ZSCAN2: variants seen among roughly 807,000 people sequenced by gnomAD.
ZSCAN2 encodes zinc finger and SCAN domain containing 2.
A neutral mutation model predicts 47.8 loss-of-function variants in ZSCAN2; 26 were observed. The observed-to-expected ratio is 0.54, with a 90% CI of 0.40 to 0.75. The LOEUF (loss-of-function observed/expected upper bound fraction) is 0.75, where lower values mean the gene tolerates loss of function less well. Among genes scored for constraint, ZSCAN2 ranks in the 30% least tolerant of loss-of-function variants. ZSCAN2 has a pLI of 0.00. For missense variants in ZSCAN2, 732 were observed against 785.4 expected (o/e 0.93, Z 0.81); for synonymous variants, 305 against 288.7 (o/e 1.06, Z -0.57).
At chr15:84,612,192 GTCAGTCAGA>G (rs1442097737) in intron 2 of ZSCAN2, 1 of 152,216 alleles carries the variant, frequency 6.6e-6, no homozygotes, top group Non-Finnish European at 1.5e-5. Flanking sequence ...GGAGGCCCTT[GTCAGTCAGA>G]TCACCTGAAG....
Position 84,619,346 on chromosome 15 carries a change from C to T in ZSCAN2, c.407-1256C>T, listed in dbSNP as rs183775628. Among the ~76,000 whole-genome samples, 571 of 151,600 alleles carry T rather than the reference C, an allele frequency of 3.8e-3. 4 individuals are homozygous for T. The highest frequency in any genetic ancestry group is 0.013 in the African/African-American group (539 of 41,322). ...TCGGGAGGCTGAGGCAAGAGAATGG[C>T]GTGAACTGGGGAGGCGGAGCTTGCA... is the stretch of plus-strand genomic sequence containing the variant. On this transcript the variant is annotated intron_variant, in intron 2 of 2. Transcript: ENST00000546148.
chr15:84,604,020 C>T lies in ZSCAN2; in HGVS notation c.93C>T (p.Thr31=). 1 of 1,614,054 alleles carries T rather than the reference C, an allele frequency of 6.2e-7. No individual in the cohort carries two copies. The highest frequency in any genetic ancestry group is 8.5e-7 in the Non-Finnish European group (1 of 1,180,000). ...AAGATAGACAGGAGGAGGAGGTCAC[C>T]ACCATGATCCTGGAGGATGACTCCT... ...QEEDRQEEEV[T]TMILEDDSWV... Residue 31 remains threonine, a synonymous_variant, in exon 2 of 3, where the codon ACC becomes ACT. Coordinates refer to ENST00000546148, the MANE Select transcript of ZSCAN2 (RefSeq NM_181877.4).
Position 84,623,506 on chromosome 15 carries a change from A to C in ZSCAN2, c.*1466A>C, listed in dbSNP as rs1184665718. The C allele has an allele frequency of 6.0e-6, 1 of 167,582 alleles. No homozygotes were observed. Among genetic ancestry groups the C allele is most frequent in the East Asian group, 1.9e-4 (1 of 5,192 alleles). The allele number at this position is 167,582 out of a possible 1,614,324, so 10.4% of individuals were successfully genotyped here. A position where few individuals can be genotyped will look rare whatever the true frequency, so the allele number is the denominator to read the frequency against. The stretch of plus-strand genomic sequence containing the variant: ...GTGTCGCCCTTGATCTCAGGATGCT[A>C]CCAGGGCTTTGTTCTCGGGATCCTC... On this transcript the variant is annotated 3_prime_UTR_variant, in exon 3 of 3. Coordinates refer to ENST00000546148, the MANE Select transcript of ZSCAN2 (RefSeq NM_181877.4).
chr15:84,621,900 T>C lies in ZSCAN2; in HGVS notation c.1705T>C (p.Trp569Arg). ...CCCTGAGTGTGGGAAAGGCTTTAGC[T>C]GGAACTCAGTCCTCATTATACATCA... ...RCPECGKGFSWNSVLIIHQRI... is the reference protein window; with the variant it reads ...RCPECGKGFSRNSVLIIHQRI... Residue 569 changes from tryptophan (W) to arginine (R), a missense_variant, in exon 3 of 3, where the codon TGG becomes CGG. Around this residue, in one of 2 missense-constraint regions of ZSCAN2, gnomAD observed 412 missense variants for 498.0 expected, o/e 0.83. Coordinates refer to ENST00000546148, the MANE Select transcript of ZSCAN2 (RefSeq NM_181877.4). This position sits in a 1 kb window ranked among gnomAD's most constrained non-coding sequence, Gnocchi z 5.7. 6.2e-7 allele frequency: 1 copy of C among 1,614,030 alleles called. No homozygotes were observed. Among genetic ancestry groups the C allele is most frequent in the Non-Finnish European group, 8.5e-7 (1 of 1,179,978 alleles).
intron 2 of ZSCAN2, among the ~76,000 whole-genome samples, chr15:84,612,705 G>A (rs925455149): frequency 2.0e-5 from 3 of 151,996 alleles, no homozygotes; most frequent in Non-Finnish European, 2.9e-5. Flanking sequence ...ACTGTACTCC[G>A]GCCTGGAAGA....
At chr15:84,618,020 C>T (rs1462222766) in intron 2 of ZSCAN2, among the ~76,000 whole-genome samples, 1 of 152,196 alleles carries the variant, frequency 6.6e-6, no homozygotes, top group African/African-American at 2.4e-5. Context: ...CTGAGAGGGG[C>T]ATGTCCAATT....
intron 2 of ZSCAN2, chr15:84,611,793 G>A (rs1428439100): frequency 6.6e-6 from 1 of 152,122 alleles, no homozygotes; most frequent in Non-Finnish European, 1.5e-5. Flanking sequence ...GGATGTCTGG[G>A]CCATCCAGCC....
intron 2 of ZSCAN2, among the ~76,000 whole-genome samples, chr15:84,616,888 G>A (rs925946039): frequency 2.6e-5 from 4 of 151,576 alleles, no homozygotes; most frequent in Non-Finnish European, 5.9e-5. Context: ...TCTAGGAGGC[G>A]GAAGTGGGCA....
intron 2 of ZSCAN2, among the ~76,000 whole-genome samples, chr15:84,608,817 AG>A (rs993149387): frequency 1.3e-5 from 2 of 152,022 alleles, no homozygotes; most frequent in African/African-American, 4.8e-5. Flanking sequence ...TTTGTTCTTC[AG>A]GGGGTGGTCA....
chr15:84,623,509 AGGGCTTTGTTCTCGGGATCCTC>A lies in ZSCAN2; in HGVS notation c.*1471_*1492del, dbSNP rs1895858489. 1 of 167,546 alleles carries A rather than the reference AGGGCTTTGTTCTCGGGATCCTC, an allele frequency of 6.0e-6. No homozygotes were observed. Among genetic ancestry groups the A allele is most frequent in the Non-Finnish European group, 1.5e-5 (1 of 68,464 alleles). 10.4% of individuals were successfully genotyped at this position (167,546 alleles called of 1,614,324 possible). On this transcript the variant is annotated 3_prime_UTR_variant, in exon 3 of 3. Coordinates refer to ENST00000546148, the MANE Select transcript of ZSCAN2 (RefSeq NM_181877.4). ...TCGCCCTTGATCTCAGGATGCTACC[AGGGCTTTGTTCTCGGGATCCTC>A]GCACCTGGAGAGTGAAGACGGGCAT...
intron 2 of ZSCAN2, among the ~76,000 whole-genome samples, chr15:84,610,569 C>G (rs993491933): frequency 1.9e-4 from 28 of 150,992 alleles, no homozygotes; most frequent in African/African-American, 6.6e-4. Context: ...GCACTGCAAC[C>G]TCCACCTCCA....
chr15:84,610,197 G>A (rs1895503155), intron 2 of ZSCAN2, among the ~76,000 whole-genome samples: 1 of 152,140 alleles, frequency 6.6e-6, no homozygotes, highest in African/African-American at 2.4e-5. Context: ...AAATCATTTT[G>A]AAAAAACTAA....
chr15:84,604,443 C>T, intron 2 of ZSCAN2, 110 bp downstream of exon 2: 6 of 1,348,122 alleles, frequency 4.5e-6, no homozygotes, highest in South Asian at 2.9e-5. Flanking sequence ...GGGGGGCTAG[C>T]GCCATCCCTC....
chr15:84,618,344 G>C (rs1895742393), intron 2 of ZSCAN2, among the ~76,000 whole-genome samples: 1 of 152,124 alleles, frequency 6.6e-6, no homozygotes, highest in South Asian at 2.1e-4. Context: ...CTTGAACTCG[G>C]GAGGCTGAGG....
In ZSCAN2 at chr15:84,623,320, C is replaced by A; in HGVS notation, c.*1280C>A. On this transcript the variant is annotated 3_prime_UTR_variant, in exon 3 of 3. Transcript: ENST00000546148. ...CGTTAGCCAGGATGGTTTCGATCTCCTGTCCTCGTGATCTGCCCGCCTTGG... is the reference window on the plus strand; with the variant it reads ...CGTTAGCCAGGATGGTTTCGATCTCATGTCCTCGTGATCTGCCCGCCTTGG... The A allele has an allele frequency of 5.1e-6, 1 of 196,320 alleles. No individual in the cohort carries two copies. Among genetic ancestry groups the A allele is most frequent in the South Asian group, 7.2e-5 (1 of 13,812 alleles). The allele number at this position is 196,320 out of a possible 1,614,324, so 12.2% of individuals were successfully genotyped here.
At chr15:84,617,890 C>T (rs753799989) in intron 2 of ZSCAN2, among the ~76,000 whole-genome samples, 5 of 152,080 alleles carry the variant, frequency 3.3e-5, no homozygotes, top group South Asian at 2.1e-4. Flanking sequence ...CAGTGAGCTG[C>T]GATCTCGCTA....
At chr15:84,614,182 GGTCTTGGCTGT>G (rs1895634304) in intron 2 of ZSCAN2, among the ~76,000 whole-genome samples, 4 of 151,320 alleles carry the variant, frequency 2.6e-5, no homozygotes, top group South Asian at 2.1e-4. Flanking sequence ...GTAGAGATGA[GGTCTTGGCTGT>G]GTTGCTCAGG....
At position 84,622,086 on chromosome 15, in the gene ZSCAN2, C is replaced by T. The variant is rs745815693; in HGVS notation, c.*46C>T. On this transcript the variant is annotated 3_prime_UTR_variant, in exon 3 of 3. Transcript: ENST00000546148. ...AGGGACTGGCCTGGAGTGGGAGTTGCCACACTGCCCCAACAGTGATTCCCT... is the reference window on the plus strand; with the variant it reads ...AGGGACTGGCCTGGAGTGGGAGTTGTCACACTGCCCCAACAGTGATTCCCT... 1 of 1,462,610 alleles carries T rather than the reference C, an allele frequency of 6.8e-7. No individual in the cohort carries two copies. The highest frequency in any genetic ancestry group is 9.3e-7 in the Non-Finnish European group (1 of 1,071,994). The allele number at this position is 1,462,610 out of a possible 1,614,324, so 90.6% of individuals were successfully genotyped here. A position where few individuals can be genotyped will look rare whatever the true frequency, so the allele number is the denominator to read the frequency against.
intron 2 of ZSCAN2, among the ~76,000 whole-genome samples, chr15:84,617,174 G>A (rs189789064): frequency 6.6e-6 from 1 of 150,606 alleles, no homozygotes; most frequent in East Asian, 2.0e-4. Flanking sequence ...AGTGGCTCAC[G>A]CCTCTAATCC....
Sources: gnomAD v4.1 joint callset for allele counts (sites outside exome capture counted in the v4.1 genomes callset) on GRCh38, gnomAD v4.1.1 for gene constraint, gnomAD v4.1.1 regional missense constraint, Gnocchi (gnomAD v3.1) non-coding constraint, MANE v1.5 for transcripts, NCBI Gene and HGNC (gene_info 2026-07-23, HGNC 2026-07-21) for gene names.